BACH2: variants seen among roughly 807,000 people sequenced by gnomAD.
BACH2 encodes the protein BACH transcriptional regulator 2.
In BACH2, 5 loss-of-function variants were observed where a neutral mutation model predicts 61.8. The observed-to-expected ratio is 0.08, with a 90% CI of 0.04 to 0.17. The LOEUF is 0.17. Among genes scored for constraint, BACH2 ranks in the 10% least tolerant of loss-of-function variants. The pLI, the probability that BACH2 is intolerant of heterozygous loss-of-function variation, is 1.00. For synonymous variants in BACH2, 446 were observed against 440.1 expected, an observed-to-expected ratio of 1.01 and a Z score of -0.17; for missense variants, 824 against 1,091.1, an observed-to-expected ratio of 0.76 and a Z score of 3.45.
chr6:90,281,618 A>T (rs1251352539), intron 1 of BACH2, among the ~76,000 whole-genome samples: 1 of 152,128 alleles, frequency 6.6e-6, no homozygotes, highest in Non-Finnish European at 1.5e-5. Flanking sequence ...CCTAAATAAC[A>T]TATTTAGTTT....
intron 5 of BACH2, among the ~76,000 whole-genome samples, chr6:90,011,159 G>C (rs946694984): frequency 1.3e-5 from 2 of 152,098 alleles, no homozygotes; most frequent in African/African-American, 4.8e-5. Context: ...CTTGTTTTCT[G>C]CTAGAAGTGT....
intron 5 of BACH2, among the ~76,000 whole-genome samples, chr6:90,023,384 G>A (rs1243419845): frequency 6.6e-6 from 1 of 151,970 alleles, no homozygotes; most frequent in African/African-American, 2.4e-5. Flanking sequence ...AAAGTGTGTG[G>A]CACTTTCCCC....
At chr6:90,240,098 C>T (rs1770394876) in intron 3 of BACH2, among the ~76,000 whole-genome samples, 1 of 152,040 alleles carries the variant, frequency 6.6e-6, no homozygotes. Flanking sequence ...TAAAAAAATT[C>T]ATCTTACAAG....
intron 5 of BACH2, among the ~76,000 whole-genome samples, chr6:90,021,059 T>TA (rs1412384580): frequency 6.6e-6 from 1 of 152,170 alleles, no homozygotes; most frequent in Non-Finnish European, 1.5e-5. Flanking sequence ...TACATACACA[T>TA]ATACCCCAAT....
chr6:89,951,975 C>T lies in BACH2; in HGVS notation c.244-113G>A, dbSNP rs866753767. 6.3e-6 allele frequency: 8 copies of T among 1,265,570 alleles called. No homozygotes were observed. Among genetic ancestry groups the T allele is most frequent in the African/African-American group, 3.0e-5 (2 of 67,000 alleles). The allele number at this position is 1,265,570 out of a possible 1,614,324, so 78.4% of individuals were successfully genotyped here. Reference sequence around the variant, plus strand: ...TGCTAATGTCCCAGAATAAAGACTGCAAAGGGGCAGTTAATCTTGTAGTAC... The same window carrying T: ...TGCTAATGTCCCAGAATAAAGACTGTAAAGGGGCAGTTAATCTTGTAGTAC... On this transcript the variant is annotated intron_variant, in intron 6 of 8. Transcript: ENST00000257749. The surrounding 1 kb of genome is among the most constrained non-coding windows in gnomAD (Gnocchi z 6.4).
chr6:90,237,190 T>C (rs1438919319), intron 3 of BACH2, among the ~76,000 whole-genome samples: 1 of 152,216 alleles, frequency 6.6e-6, no homozygotes, highest in African/African-American at 2.4e-5. Flanking sequence ...CCCAAAGTGC[T>C]GGGATTACAG....
At chr6:90,131,473 G>C (rs1203119439) in intron 4 of BACH2, among the ~76,000 whole-genome samples, 2 of 152,144 alleles carry the variant, frequency 1.3e-5, no homozygotes, top group African/African-American at 4.8e-5. Flanking sequence ...TGAGAACCAG[G>C]GGAGGCCATC....
chr6:90,081,134 T>C (rs987514363), intron 5 of BACH2, among the ~76,000 whole-genome samples: 2 of 152,166 alleles, frequency 1.3e-5, no homozygotes, highest in South Asian at 2.1e-4. Flanking sequence ...TTAATCTCAA[T>C]GTCAACTACA....
chr6:90,124,794 A>G (rs1783777658), intron 4 of BACH2, among the ~76,000 whole-genome samples: 1 of 152,204 alleles, frequency 6.6e-6, no homozygotes, highest in Admixed American at 6.5e-5. Flanking sequence ...AATCCCTAGA[A>G]GTCAACCAGT....
intron 4 of BACH2, among the ~76,000 whole-genome samples, chr6:90,159,349 T>C (rs1562479885): frequency 6.6e-6 from 1 of 152,176 alleles, no homozygotes; most frequent in Non-Finnish European, 1.5e-5. Context: ...CAACTGAATA[T>C]GTGTTTCAGA....
chr6:90,219,708 A>G (rs1769671810), intron 3 of BACH2, among the ~76,000 whole-genome samples: 1 of 152,134 alleles, frequency 6.6e-6, no homozygotes. Context: ...AAACAGGTAC[A>G]TTCTTGAGAG....
At chr6:90,274,635 T>C (rs1052123962) in intron 1 of BACH2, among the ~76,000 whole-genome samples, 1 of 152,200 alleles carries the variant, frequency 6.6e-6, no homozygotes, top group African/African-American at 2.4e-5. Flanking sequence ...ACTTTCCAGC[T>C]GCATCTTTGC....
chr6:90,130,740 T>A (rs2127823325), intron 4 of BACH2, among the ~76,000 whole-genome samples: 1 of 152,338 alleles, frequency 6.6e-6, no homozygotes, highest in Middle Eastern at 3.4e-3. Flanking sequence ...CTAGAGGCCA[T>A]ACTGCAGATG....
intron 5 of BACH2, among the ~76,000 whole-genome samples, chr6:90,084,021 T>G (rs1229595496): frequency 6.7e-6 from 1 of 149,240 alleles, no homozygotes; most frequent in Non-Finnish European, 1.5e-5. Context: ...ACCCCACCTT[T>G]ACTCAAAACC....
rs563285675 is a variant in BACH2, at chr6:90,202,596, C to G, written c.-162+3973G>C. On this transcript the variant is annotated intron_variant, in intron 4 of 8. Coordinates refer to ENST00000257749, the MANE Select transcript of BACH2 (RefSeq NM_021813.4). ...AACATAACAAGGAAGAAACAGTTCT[C>G]AAGAAGATCCTTTTTCATGATGGGG... is the stretch of plus-strand genomic sequence containing the variant. Among the ~76,000 whole-genome samples the G allele has an allele frequency of 2.0e-5, 3 of 152,194 alleles. No homozygotes were observed. In the East Asian group the frequency reaches 5.8e-4, roughly 29 times the overall value.
chr6:89,945,984 T>C (rs1278542251), intron 7 of BACH2, among the ~76,000 whole-genome samples: 1 of 152,182 alleles, frequency 6.6e-6, no homozygotes, highest in African/African-American at 2.4e-5. Flanking sequence ...TTAAGGAATA[T>C]AGCAAATCCA....
intron 5 of BACH2, among the ~76,000 whole-genome samples, chr6:90,070,142 T>C (rs2127801254): frequency 6.6e-6 from 1 of 152,234 alleles, no homozygotes; most frequent in East Asian, 1.9e-4. Flanking sequence ...AAACTGAGTT[T>C]AGAGGTTGTT....
At chr6:90,286,838 A>C (rs1365011100) in intron 1 of BACH2, among the ~76,000 whole-genome samples, 1 of 152,184 alleles carries the variant, frequency 6.6e-6, no homozygotes, top group African/African-American at 2.4e-5. Context: ...AAAAATTGAG[A>C]CTTGGAAAAC....
intron 4 of BACH2, among the ~76,000 whole-genome samples, chr6:90,133,999 CAT>C (rs1784189360): frequency 2.0e-5 from 3 of 152,172 alleles, no homozygotes; most frequent in South Asian, 2.1e-4. Flanking sequence ...CTGCAATAAA[CAT>C]GTGTGCATGT....
Sources: allele counts gnomAD v4.1 joint callset (sites outside exome capture counted in the v4.1 genomes callset), GRCh38; gene constraint gnomAD v4.1.1; non-coding constraint Gnocchi (gnomAD v3.1); transcripts MANE v1.5; gene names NCBI Gene and HGNC (gene_info 2026-07-23, HGNC 2026-07-21).